The following EEIG2 variants were observed in gnomAD, a reference collection of about 807,000 sequenced individuals.
EEIG2 encodes EEIG family member 2, also known as family with sequence similarity 102 member B.
the EEIG2 span, chr1:108,627,900 T>C: frequency 2.4e-6 from 1 of 410,560 alleles, no homozygotes; most frequent in African/African-American, 2.0e-5. Context: ...CAGGAGTTTA[T>C]TGCATAGACT....
At chr1:108,579,738 G>GGTGTGTGTGT in the EEIG2 span, among the ~76,000 whole-genome samples, 5 of 107,976 alleles carry the variant, frequency 4.6e-5, no homozygotes, top group African/African-American at 1.9e-4. Flanking sequence ...TTGTTTTTTT[G>GGTGTGTGTGT]GTGTGTGTGT....
the EEIG2 span, chr1:108,629,848 A>T: frequency 1.3e-5 from 8 of 634,962 alleles, no homozygotes; most frequent in Admixed American, 1.7e-4. Flanking sequence ...GTTTGACATT[A>T]TATTTTATAA....
At chr1:108,635,085 GT>G in the EEIG2 span, 146 of 1,614,000 alleles carry the variant, frequency 9.0e-5, no homozygotes, top group African/African-American at 1.8e-3. Flanking sequence ...AAATTTTGAA[GT>G]TTTTTTCCAC....
the EEIG2 span, chr1:108,637,745 A>G: frequency 2.2e-4 from 33 of 152,442 alleles, no homozygotes; most frequent in African/African-American, 7.5e-4. Flanking sequence ...ATTTGTGACG[A>G]GATAAAGAAG....
At chr1:108,616,945 A>G in the EEIG2 span, among the ~76,000 whole-genome samples, 1 of 152,170 alleles carries the variant, frequency 6.6e-6, no homozygotes, top group Non-Finnish European at 1.5e-5. Context: ...TTGCTATTCT[A>G]TATATAGTAG....
chr1:108,613,432 C>A, the EEIG2 span, among the ~76,000 whole-genome samples: 3 of 152,118 alleles, frequency 2.0e-5, no homozygotes, highest in Admixed American at 6.6e-5. Context: ...CTTATTTCCT[C>A]GTATTTCTTA....
chr1:108,636,282 T>C, the EEIG2 span: 1 of 152,222 alleles, frequency 6.6e-6, no homozygotes, highest in Non-Finnish European at 1.5e-5. Context: ...CCTTAGAGTT[T>C]TTCTGTTCTT....
the EEIG2 span, chr1:108,600,516 C>T: frequency 1.3e-6 from 2 of 1,590,614 alleles, no homozygotes; most frequent in Non-Finnish European, 1.7e-6. Flanking sequence ...TGCTTTTTAA[C>T]ATGTCATCAA....
chr1:108,574,021 A>G, the EEIG2 span, among the ~76,000 whole-genome samples: 3 of 152,230 alleles, frequency 2.0e-5, no homozygotes, highest in African/African-American at 7.2e-5. Flanking sequence ...CTGGATGTAT[A>G]CCCAAAGAAT....
At chr1:108,616,481 T>C in the EEIG2 span, 5 of 1,191,582 alleles carry the variant, frequency 4.2e-6, no homozygotes, top group East Asian at 9.7e-5. Flanking sequence ...AAGAAAGATT[T>C]ATTTGTTTAA....
At chr1:108,601,287 CGT>C in the EEIG2 span, among the ~76,000 whole-genome samples, 1 of 150,170 alleles carries the variant, frequency 6.7e-6, no homozygotes. Context: ...TGTGTTTGTG[CGT>C]GTGTGTGTGT....
the EEIG2 span, among the ~76,000 whole-genome samples, chr1:108,602,239 T>C: frequency 6.6e-6 from 1 of 152,170 alleles, no homozygotes; most frequent in Non-Finnish European, 1.5e-5. Flanking sequence ...ACTAGTTTCC[T>C]AGGACTGCTA....
chr1:108,636,107 C>G, the EEIG2 span: 2 of 152,210 alleles, frequency 1.3e-5, no homozygotes, highest in African/African-American at 2.4e-5. Flanking sequence ...ATGACTGATG[C>G]AGACTACTAG....
At chr1:108,585,893 C>G in the EEIG2 span, among the ~76,000 whole-genome samples, 4 of 152,020 alleles carry the variant, frequency 2.6e-5, no homozygotes, top group African/African-American at 9.7e-5. Context: ...ATCTTCTTAC[C>G]TGTATTTCCA....
At chr1:108,620,684 GTAATA>G in the EEIG2 span, among the ~76,000 whole-genome samples, 1 of 152,098 alleles carries the variant, frequency 6.6e-6, no homozygotes, top group Non-Finnish European at 1.5e-5. Flanking sequence ...TTAAAACTCT[GTAATA>G]TAAATATTAT....
chr1:108,568,863 A>G, the EEIG2 span, among the ~76,000 whole-genome samples: 1 of 152,168 alleles, frequency 6.6e-6, no homozygotes, highest in African/African-American at 2.4e-5. Flanking sequence ...ATTGACCAGA[A>G]CATCAGCACC....
the EEIG2 span, among the ~76,000 whole-genome samples, chr1:108,614,132 A>G: frequency 6.8e-6 from 1 of 146,648 alleles, no homozygotes; most frequent in Non-Finnish European, 1.5e-5. Flanking sequence ...CTGTCTATCC[A>G]GCTTAAATTT....
At chr1:108,619,307 T>C in the EEIG2 span, among the ~76,000 whole-genome samples, 5 of 152,252 alleles carry the variant, frequency 3.3e-5, no homozygotes, top group African/African-American at 1.2e-4. Flanking sequence ...TAAAATATTT[T>C]TCAAGAGAAT....
At chr1:108,588,000 C>A in the EEIG2 span, among the ~76,000 whole-genome samples, 2 of 152,086 alleles carry the variant, frequency 1.3e-5, no homozygotes, top group African/African-American at 4.8e-5. Context: ...AGCATAATAT[C>A]CTCCTGGTTC....
Sources: allele counts gnomAD v4.1 joint callset (sites outside exome capture counted in the v4.1 genomes callset), GRCh38; gene constraint gnomAD v4.1.1; transcripts MANE v1.5; gene names NCBI Gene and HGNC (gene_info 2026-07-23, HGNC 2026-07-21).